CHRNE: variants seen among roughly 807,000 people sequenced by gnomAD.
The protein encoded by CHRNE is cholinergic receptor nicotinic epsilon subunit, also known as acetylcholine receptor subunit epsilon.
A neutral mutation model predicts 56.5 loss-of-function variants in CHRNE; 58 were observed. The ratio of observed to expected loss-of-function variants is 1.03; its 90% confidence interval spans 0.83 to 1.28. The LOEUF (loss-of-function observed/expected upper bound fraction) is 1.28. CHRNE is among the 50% of genes most tolerant of loss of function. The probability of loss-of-function intolerance (pLI) is 0.00; values close to 1 mark genes in which losing one functional copy is unlikely to be tolerated. For synonymous variants in CHRNE, 385 were observed against 297.9 expected, an observed-to-expected ratio of 1.29 and a Z score of -3.01; for missense variants, 793 against 688.9, an observed-to-expected ratio of 1.15 and a Z score of -1.69.
chr17:4,902,431 T>C lies in CHRNE; in HGVS notation c.234+19A>G, dbSNP rs1202514635. 1 of 1,614,014 alleles carries C rather than the reference T, an allele frequency of 6.2e-7. No individual in the cohort carries two copies. Among genetic ancestry groups the C allele is most frequent in the Non-Finnish European group, 8.5e-7 (1 of 1,180,002 alleles). On this transcript the variant is annotated intron_variant, in intron 3 of 11. Transcript: ENST00000649488. The surrounding 1 kb of genome is among the most constrained non-coding windows in gnomAD (Gnocchi z 4.0). The stretch of plus-strand genomic sequence containing the variant: ...GTGCCCTGGACAAGACCTCACACCA[T>C]TCCCCAGATTTGACTCACGATTCCA...
intron 10 of CHRNE, 31 bp downstream of exon 10, chr17:4,899,167 C>A: frequency 6.3e-7 from 1 of 1,591,878 alleles, no homozygotes; most frequent in East Asian, 2.3e-5. Context: ...GCACCCCGCG[C>A]GGCCCCCCGG....
At chr17:4,901,811 T>C (rs557236895) in intron 5 of CHRNE, 121 bp downstream of exon 5, 72 of 1,452,422 alleles carry the variant, frequency 5.0e-5, no homozygotes, top group Non-Finnish European at 6.2e-5. Context: ...ACCCAGTGCC[T>C]ACGCCTGGCT....
rs1253747858 is a variant in CHRNE at position 4,898,621 on chromosome 17, C to T, written c.*115G>A. ...GCACACACCATTCTTGTGAAGTTCA[C>T]AAACTGCAGATTGATCAGCAGGGGG... is the stretch of plus-strand genomic sequence containing the variant. On this transcript the variant is annotated 3_prime_UTR_variant, in exon 12 of 12. Transcript: ENST00000649488. 4.3e-6 allele frequency: 6 copies of T among 1,403,818 alleles called. No homozygotes were observed. The highest frequency in any genetic ancestry group is 5.8e-6 in the Non-Finnish European group (6 of 1,027,112). 87.0% of individuals were successfully genotyped at this position (1,403,818 alleles called of 1,614,324 possible).
chr17:4,901,006 G>C lies in CHRNE; in HGVS notation c.786C>G (p.Tyr262Ter). 6.2e-7 allele frequency: 1 copy of C among 1,614,002 alleles called. No homozygotes were observed. The highest frequency in any genetic ancestry group is 2.2e-5 in the East Asian group (1 of 44,878). ...ACTGCTTACCCTGCGCCGGCAGGAA[G>C]TAGGCGAGCAGCACCAGGCCCGAGA... is the stretch of plus-strand genomic sequence containing the variant. ...VLISGLVLLA[Y>*]FLPAQAGGQK... is the part of the protein sequence containing the mutation. Residue 262 changes from tyrosine to a stop codon, truncating the protein, a stop_gained, in exon 7 of 12, where the codon TAC (tyrosine) becomes TAG (stop). Coordinates refer to ENST00000649488, the MANE Select transcript of CHRNE (RefSeq NM_000080.4). LOFTEE classifies it high-confidence loss of function.
intron 5 of CHRNE, 134 bp from the exon 6 acceptor site, chr17:4,901,759 CCT>C: frequency 5.6e-6 from 7 of 1,243,326 alleles, no homozygotes; most frequent in South Asian, 1.2e-5. Context: ...AGCCCGCACG[CCT>C]CTGTTCCCAT....
chr17:4,900,766 A>C (rs1477730583), intron 8 of CHRNE, 27 bp downstream of exon 8: 5 of 1,600,848 alleles, frequency 3.1e-6, no homozygotes, highest in Admixed American at 1.7e-5. Context: ...CACACTGGCC[A>C]CACCCCCGCG....
At position 4,902,632 on chromosome 17, in the gene CHRNE, G is replaced by A. The variant is rs370840663; in HGVS notation, c.178C>T (p.Leu60Phe). Residue 60 changes from leucine to phenylalanine, a missense_variant, in exon 2 of 12, where the codon CTC becomes TTC. Physicochemically the swap from Leu to Phe is conservative, Grantham distance 22. Transcript: ENST00000649488. This position sits in a 1 kb window ranked among gnomAD's most constrained non-coding sequence, Gnocchi z 4.0. The part of the protein sequence containing the change: ...TISLKVTLTN[L>F]ISLNEKEETL... ...TGGGGGTAGCTTACCAGTGAGATGAGATTCGTCAGGGTGACCTTGAGGCTG... is the reference window on the plus strand; with the variant it reads ...TGGGGGTAGCTTACCAGTGAGATGAAATTCGTCAGGGTGACCTTGAGGCTG... The A allele has an allele frequency of 8.1e-5, 130 of 1,613,942 alleles. No individual in the cohort carries two copies. The highest frequency in any genetic ancestry group is 1.0e-4 in the Non-Finnish European group (119 of 1,180,018).
chr17:4,907,615 C>T (rs541030486), upstream of CHRNE, among the ~76,000 whole-genome samples: 1 of 151,504 alleles, frequency 6.6e-6, no homozygotes, highest in South Asian at 2.1e-4. Flanking sequence ...AGTCCAGTGT[C>T]CCCTGCTCTA....
In CHRNE at chr17:4,899,402, C is replaced by A; in HGVS notation, c.1033-18G>T. On this transcript the variant is annotated intron_variant, in intron 9 of 11. Transcript: ENST00000649488. ...AGGAGAACCTGGGGCAGGGGCGGGG[C>A]TTAGGGGACGAGGTTAGTACGAAGC... 1.3e-6 allele frequency: 2 copies of A among 1,537,676 alleles called. No individual in the cohort carries two copies. Among genetic ancestry groups the A allele is most frequent in the African/African-American group, 1.4e-5 (1 of 72,898 alleles).
upstream of CHRNE, among the ~76,000 whole-genome samples, chr17:4,903,868 A>AT (rs916204252): frequency 4.6e-5 from 7 of 151,856 alleles, no homozygotes; most frequent in South Asian, 2.1e-4. Context: ...TTTAAAAAAA[A>AT]TTTTTTTGAG....
At position 4,902,408 on chromosome 17, in the gene CHRNE, G is replaced by GGGTGGTGGGCGT. The variant is rs1970022167; in HGVS notation, c.234+41_234+42insACGCCCACCACC. Reference sequence around the variant, plus strand: ...GGGAGGGGTTTGGGGGAAAAGGGGTGCCCTGGACAAGACCTCACACCATTC... The same window carrying GGGTGGTGGGCGT: ...GGGAGGGGTTTGGGGGAAAAGGGGTGGGTGGTGGGCGTCCCTGGACAAGACCTCACACCATTC... On this transcript the variant is annotated intron_variant, in intron 3 of 11. Transcript: ENST00000649488. This position sits in a 1 kb window ranked among gnomAD's most constrained non-coding sequence, Gnocchi z 4.0. 6.2e-7 allele frequency: 1 copy of GGGTGGTGGGCGT among 1,613,808 alleles called. No homozygotes were observed. Among genetic ancestry groups the GGGTGGTGGGCGT allele is most frequent in the African/African-American group, 1.3e-5 (1 of 74,932 alleles).
At chr17:4,900,597 G>C (rs751670974) in intron 8 of CHRNE, 196 bp downstream of exon 8, 354 of 1,540,804 alleles carry the variant, frequency 2.3e-4, no homozygotes, top group Non-Finnish European at 3.0e-4. Context: ...AGCTACTCGG[G>C]AGACCTCCAG....
At chr17:4,903,537 T>G (rs1970046492), upstream of CHRNE, among the ~76,000 whole-genome samples, 1 of 152,130 alleles carries the variant, frequency 6.6e-6, no homozygotes, top group African/African-American at 2.4e-5. Context: ...ATGCCTTTCT[T>G]GCCGACAGAG....
chr17:4,899,233 AAC>A lies in CHRNE; in HGVS notation c.1182_1183del (p.Phe395Ter). 1 of 1,607,220 alleles carries A rather than the reference AAC, an allele frequency of 6.2e-7. No individual in the cohort carries two copies. Among genetic ancestry groups the A allele is most frequent in the Non-Finnish European group, 8.5e-7 (1 of 1,179,064 alleles). On this transcript the variant is annotated frameshift_variant, in exon 10 of 12. Coordinates refer to ENST00000649488, the MANE Select transcript of CHRNE (RefSeq NM_000080.4). LOFTEE classifies it high-confidence loss of function. ...CCCCTGCCGGTGCCTCTGCCCCTCA[AAC>A]ACGAGCTCGCTCCGTGGCTTTTTCA...
chr17:4,901,907 C>T (rs1268022907), intron 5 of CHRNE, 25 bp downstream of exon 5: 6 of 1,512,346 alleles, frequency 4.0e-6, no homozygotes, highest in African/African-American at 2.8e-5. Flanking sequence ...AATAATCGTC[C>T]GGGCCTCGGA....
chr17:4,901,412 C>A, intron 6 of CHRNE, 113 bp downstream of exon 6: 1 of 1,071,808 alleles, frequency 9.3e-7, no homozygotes, highest in Admixed American at 1.9e-5. Flanking sequence ...TAAGCTAAAC[C>A]CAGTTGTGGA....
chr17:4,903,813 C>T (rs985754383), upstream of CHRNE, among the ~76,000 whole-genome samples: 7 of 152,170 alleles, frequency 4.6e-5, no homozygotes, highest in African/African-American at 1.7e-4. Flanking sequence ...TGCACACATA[C>T]ACACACACCT....
chr17:4,902,980 T>C lies in CHRNE; in HGVS notation c.46+38A>G. On this transcript the variant is annotated intron_variant, in intron 1 of 11. Coordinates refer to ENST00000649488, the MANE Select transcript of CHRNE (RefSeq NM_000080.4). This position sits in a 1 kb window ranked among gnomAD's most constrained non-coding sequence, Gnocchi z 4.0. ...TTCCCAGTCCCTTCATGTCAGTATC[T>C]GTGTGTGTCCAATTGCCCCTCTAGC... The C allele has an allele frequency of 6.2e-7, 1 of 1,613,326 alleles. No homozygotes were observed. Among genetic ancestry groups the C allele is most frequent in the Non-Finnish European group, 8.5e-7 (1 of 1,179,330 alleles).
chr17:4,907,566 CAAAAAAAAAA>C (rs34317332), upstream of CHRNE, among the ~76,000 whole-genome samples: 8 of 61,046 alleles, frequency 1.3e-4, no homozygotes, highest in Middle Eastern at 0.01. Context: ...GACTCAGTCT[CAAAAAAAAAA>C]AAAAAAAAAA....
Sources: gnomAD v4.1 joint callset for allele counts (sites outside exome capture counted in the v4.1 genomes callset) on GRCh38, gnomAD v4.1.1 for gene constraint, Gnocchi (gnomAD v3.1) non-coding constraint, MANE v1.5 for transcripts, NCBI Gene and HGNC (gene_info 2026-07-23, HGNC 2026-07-21) for gene names.